SPHKAP: variants seen among roughly 807,000 people sequenced by gnomAD.
The protein encoded by SPHKAP is SPHK1 interactor, AKAP domain containing, also known as A-kinase anchor protein SPHKAP.
A neutral mutation model predicts 137.5 loss-of-function variants in SPHKAP; 67 were observed. The observed-to-expected ratio is 0.49, with a 90% CI of 0.40 to 0.60. The LOEUF (loss-of-function observed/expected upper bound fraction) is 0.60. SPHKAP is among the 20% of genes least tolerant of loss of function. SPHKAP has a pLI of 0.00. For missense variants in SPHKAP, 2,097 were observed against 2,069.3 expected, an observed-to-expected ratio of 1.01 and a Z score of -0.26; for synonymous variants, 813 against 785.3, an observed-to-expected ratio of 1.04 and a Z score of -0.59.
intron 3 of SPHKAP, among the ~76,000 whole-genome samples, chr2:228,047,743 A>T (rs1374271805): frequency 6.6e-6 from 1 of 152,196 alleles, no homozygotes; most frequent in Non-Finnish European, 1.5e-5. Flanking sequence ...TTGGTGGGCT[A>T]AACTAGTCTA....
intron 1 of SPHKAP, among the ~76,000 whole-genome samples, chr2:228,160,851 A>T (rs916477955): frequency 1.3e-5 from 2 of 152,204 alleles, no homozygotes; most frequent in Non-Finnish European, 2.9e-5. Context: ...TCCAAATAAG[A>T]TATTAGCATC....
Position 228,153,611 on chromosome 2 carries a change from A to G in SPHKAP, c.33-21526T>C, listed in dbSNP as rs1700004833. ...TAGTTATTTTTTAAAAAGGTCATGT[A>G]TCTTTTATTCTGGCTGATATTTAAG... On this transcript the variant is annotated intron_variant, in intron 1 of 11. Transcript: ENST00000392056. 2.0e-5 allele frequency among the ~76,000 whole-genome samples: 3 copies of G among 152,110 alleles called. No homozygotes were observed. The South Asian group carries it at 6.2e-4, about 32-fold the overall frequency.
intron 11 of SPHKAP, 25 bp downstream of exon 11, chr2:227,990,975 G>A (rs1285345048): frequency 1.2e-6 from 2 of 1,608,112 alleles, no homozygotes; most frequent in East Asian, 2.2e-5. Flanking sequence ...AAGCTTTCTT[G>A]TTTTCCAAAC....
chr2:228,040,068 A>C (rs1695780448), intron 3 of SPHKAP, among the ~76,000 whole-genome samples: 1 of 152,162 alleles, frequency 6.6e-6, no homozygotes, highest in Admixed American at 6.5e-5. Context: ...ACATCTACTA[A>C]GAAAACTTTT....
intron 3 of SPHKAP, among the ~76,000 whole-genome samples, chr2:228,028,265 T>A (rs1418575373): frequency 6.6e-6 from 1 of 152,222 alleles, no homozygotes; most frequent in Non-Finnish European, 1.5e-5. Flanking sequence ...CTCTTCTCAT[T>A]TTTGCTCCTT....
At chr2:228,107,370 CT>C (rs1222604664) in intron 3 of SPHKAP, among the ~76,000 whole-genome samples, 3 of 152,062 alleles carry the variant, frequency 2.0e-5, no homozygotes, top group Non-Finnish European at 4.4e-5. Context: ...GCAAATGAAT[CT>C]TCCAATATGC....
chr2:228,025,926 T>G, intron 4 of SPHKAP: 1 of 940,496 alleles, frequency 1.1e-6, no homozygotes, highest in Non-Finnish European at 1.3e-6. Context: ...CCCATCCAAA[T>G]CTCATCTTGT....
chr2:228,109,612 T>C (rs1299637203), intron 2 of SPHKAP, among the ~76,000 whole-genome samples: 1 of 152,168 alleles, frequency 6.6e-6, no homozygotes, highest in Non-Finnish European at 1.5e-5. Context: ...AACAAGCATA[T>C]TTTGGAGCTG....
At chr2:228,179,951 A>G (rs1700849519) in intron 1 of SPHKAP, among the ~76,000 whole-genome samples, 1 of 152,230 alleles carries the variant, frequency 6.6e-6, no homozygotes, top group Non-Finnish European at 1.5e-5. Context: ...GGACCACCCA[A>G]TTCACCGTTT....
At chr2:228,166,282 C>T (rs1700421259) in intron 1 of SPHKAP, among the ~76,000 whole-genome samples, 1 of 152,154 alleles carries the variant, frequency 6.6e-6, no homozygotes, top group Non-Finnish European at 1.5e-5. Flanking sequence ...TTCATATTTA[C>T]TTAAAAACTA....
chr2:228,113,528 T>C (rs1698583773), intron 2 of SPHKAP, among the ~76,000 whole-genome samples: 1 of 151,824 alleles, frequency 6.6e-6, no homozygotes, highest in Admixed American at 6.6e-5. Context: ...GAGCCTCCAC[T>C]AAGGCAGTGT....
intron 7 of SPHKAP, among the ~76,000 whole-genome samples, chr2:228,007,797 A>G (rs756481305): frequency 2.0e-5 from 3 of 152,206 alleles, no homozygotes; most frequent in Non-Finnish European, 4.4e-5. Flanking sequence ...GGTGCCAAAA[A>G]CACATAATGA....
intron 3 of SPHKAP, among the ~76,000 whole-genome samples, chr2:228,070,346 G>A (rs1040604777): frequency 3.4e-4 from 51 of 152,192 alleles, no homozygotes; most frequent in Middle Eastern, 3.2e-3. Flanking sequence ...ATTAAAGGTG[G>A]ATGAAGTAGA....
intron 2 of SPHKAP, among the ~76,000 whole-genome samples, chr2:228,121,548 C>G (rs1157446673): frequency 3.3e-5 from 5 of 152,112 alleles, no homozygotes; most frequent in Non-Finnish European, 7.4e-5. Flanking sequence ...AGACAGTTCT[C>G]TTTTCTCTGA....
chr2:228,176,081 T>A (rs1700730087), intron 1 of SPHKAP, among the ~76,000 whole-genome samples: 1 of 152,224 alleles, frequency 6.6e-6, no homozygotes, highest in Non-Finnish European at 1.5e-5. Context: ...TCCCAGATGA[T>A]GAAAATAAAG....
intron 3 of SPHKAP, among the ~76,000 whole-genome samples, chr2:228,074,814 C>T (rs1158104890): frequency 2.0e-5 from 3 of 152,088 alleles, no homozygotes; most frequent in Non-Finnish European, 4.4e-5. Context: ...TTCTTCCTTC[C>T]TCCCCTTCTT....
chr2:228,020,982 G>C (rs186779146), intron 6 of SPHKAP, among the ~76,000 whole-genome samples: 2 of 152,212 alleles, frequency 1.3e-5, no homozygotes, highest in East Asian at 3.9e-4. Context: ...GAAGGAGAAG[G>C]GAGGATGTTT....
At position 227,995,664 on chromosome 2, in the gene SPHKAP, C is replaced by T. The variant is rs143761987; in HGVS notation, c.4479G>A (p.Glu1493=). 8.7e-6 allele frequency: 14 copies of T among 1,609,522 alleles called. No homozygotes were observed. Among genetic ancestry groups the T allele is most frequent in the South Asian group, 7.7e-5 (7 of 90,614 alleles). ...SDSLDTRDVP[E]AEASTEARAP... ...CTCTGGCTTCTGTGGAGGCTTCAGC[C>T]TCTGGTACATCTCTGGTATCAAGGC... Residue 1493 remains glutamate, a synonymous_variant, in exon 8 of 12, where the codon GAG becomes GAA. Coordinates refer to ENST00000392056, the MANE Select transcript of SPHKAP (RefSeq NM_001142644.2).
chr2:228,118,215 G>A (rs116574561), intron 2 of SPHKAP, among the ~76,000 whole-genome samples: 1,528 of 144,650 alleles, frequency 0.011, 14 homozygotes, highest in Non-Finnish European at 0.016. Context: ...TTGCTGAGTA[G>A]CATTCCATTC....
Sources: gnomAD v4.1 joint callset for allele counts (sites outside exome capture counted in the v4.1 genomes callset) on GRCh38, gnomAD v4.1.1 for gene constraint, MANE v1.5 for transcripts, NCBI Gene and HGNC (gene_info 2026-07-23, HGNC 2026-07-21) for gene names.